Variants in CHCHD6 observed in about 807,000 individuals in gnomAD.
The protein encoded by CHCHD6 is coiled-coil-helix-coiled-coil-helix domain containing 6.
A neutral mutation model predicts 32.3 loss-of-function variants in CHCHD6; 28 were observed. The observed-to-expected ratio is 0.87, with a 90% CI of 0.64 to 1.19. The LOEUF (loss-of-function observed/expected upper bound fraction) is 1.19, where lower values mean the gene tolerates loss of function less well. Ranked by LOEUF, CHCHD6 falls within the 50% of genes most tolerant of loss-of-function variation. CHCHD6 has a pLI of 0.00. For missense variants in CHCHD6, 333 were observed against 307.0 expected (o/e 1.08, Z -0.63); for synonymous variants, 122 against 117.5 (o/e 1.04, Z -0.25).
chr3:126,723,875 G>A (rs764541007), intron 1 of CHCHD6, among the ~76,000 whole-genome samples: 6 of 152,032 alleles, frequency 3.9e-5, no homozygotes, highest in African/African-American at 7.2e-5. Context: ...CTTTCCCTCC[G>A]CTGTGTTTTA....
chr3:126,730,468 C>T (rs1935740861), intron 2 of CHCHD6, 93 bp from the exon 3 acceptor site: 1 of 1,012,720 alleles, frequency 9.9e-7, no homozygotes, highest in East Asian at 2.4e-5. Flanking sequence ...GGGGCACATT[C>T]ATTCATGGGG....
At chr3:126,925,472 A>G (rs1007948057) in intron 6 of CHCHD6, among the ~76,000 whole-genome samples, 3 of 152,236 alleles carry the variant, frequency 2.0e-5, no homozygotes, top group Non-Finnish European at 1.5e-5. Flanking sequence ...AACCAAGGGA[A>G]GTTGTACAGC....
At chr3:126,888,020 C>A (rs1227585220) in intron 5 of CHCHD6, among the ~76,000 whole-genome samples, 1 of 152,176 alleles carries the variant, frequency 6.6e-6, no homozygotes, top group African/African-American at 2.4e-5. Flanking sequence ...TTGTTCTAGT[C>A]ATGTATATGT....
intron 6 of CHCHD6, among the ~76,000 whole-genome samples, chr3:126,922,982 G>C (rs2078273851): frequency 6.6e-6 from 1 of 152,222 alleles, no homozygotes; most frequent in South Asian, 2.1e-4. Context: ...CGCCATTACT[G>C]GTGGCATTGT....
chr3:126,852,716 CG>C lies in CHCHD6; in HGVS notation c.482del (p.Arg161LeufsTer28). On this transcript the variant is annotated frameshift_variant, in exon 5 of 8. Transcript: ENST00000290913. LOFTEE classifies it high-confidence loss of function. Reference protein sequence around the residue: ...RDTFYKEQLERIERKNAEMYK... With the variant: ...RDTFYKEQLEXIERKNAEMYK... ...CACCTTCTACAAGGAGCAGCTGGAGCGTATTGAGAGGAAGGTAAGACTCCTG... is the reference window on the plus strand; with the variant it reads ...CACCTTCTACAAGGAGCAGCTGGAGCTATTGAGAGGAAGGTAAGACTCCTG... 6.2e-7 allele frequency: 1 copy of C among 1,611,982 alleles called. No individual in the cohort carries two copies.
intron 4 of CHCHD6, among the ~76,000 whole-genome samples, chr3:126,751,450 C>T (rs535530123): frequency 4.7e-4 from 69 of 145,716 alleles, no homozygotes; most frequent in African/African-American, 1.7e-3. Context: ...TGCAGTGAGC[C>T]GAGATCATGT....
At chr3:126,912,375 G>A (rs2078103553) in intron 5 of CHCHD6, among the ~76,000 whole-genome samples, 1 of 152,136 alleles carries the variant, frequency 6.6e-6, no homozygotes, top group Admixed American at 6.5e-5. Flanking sequence ...ACTGGTCGAG[G>A]CAAAGACGTA....
chr3:126,888,279 G>A lies in CHCHD6; in HGVS notation c.496-26401G>A, dbSNP rs143803478. 9.2e-5 allele frequency among the ~76,000 whole-genome samples: 14 copies of A among 152,354 alleles called. No homozygotes were observed. The East Asian group carries it at 2.3e-3, about 25-fold the overall frequency. ...AGCTTCTTTTTAGAGTTGGTAGAGC[G>A]AAAAGGACTTCCATGTGGTTTAAGC... On this transcript the variant is annotated intron_variant, in intron 5 of 7. Transcript: ENST00000290913.
intron 6 of CHCHD6, among the ~76,000 whole-genome samples, chr3:126,920,689 TGCCCA>T (rs2078234068): frequency 6.6e-6 from 1 of 152,262 alleles, no homozygotes; most frequent in Admixed American, 6.5e-5. Context: ...AAGTCCTAGC[TGCCCA>T]GGCAGCCTCC....
At chr3:126,893,319 A>T (rs747579678) in intron 5 of CHCHD6, among the ~76,000 whole-genome samples, 1 of 152,168 alleles carries the variant, frequency 6.6e-6, no homozygotes, top group Admixed American at 6.5e-5. Flanking sequence ...GTAAATAATT[A>T]TTTGGATTCC....
intron 5 of CHCHD6, among the ~76,000 whole-genome samples, chr3:126,888,589 G>A (rs192062698): frequency 2.0e-4 from 30 of 152,264 alleles, no homozygotes; most frequent in African/African-American, 6.0e-4. Context: ...AGGCCACCTG[G>A]ACAAGTGATG....
intron 4 of CHCHD6, among the ~76,000 whole-genome samples, chr3:126,805,871 A>C (rs1410536359): frequency 6.6e-6 from 1 of 152,238 alleles, no homozygotes; most frequent in Non-Finnish European, 1.5e-5. Context: ...TCAATGGAAC[A>C]GAACAGAGCC....
chr3:126,737,564 A>G (rs958350535), intron 4 of CHCHD6, among the ~76,000 whole-genome samples: 2 of 152,128 alleles, frequency 1.3e-5, no homozygotes, highest in African/African-American at 4.8e-5. Context: ...AGAAGTGACC[A>G]CATAGCGTTG....
At chr3:126,897,411 T>C (rs911495936) in intron 5 of CHCHD6, among the ~76,000 whole-genome samples, 4 of 152,244 alleles carry the variant, frequency 2.6e-5, no homozygotes, top group African/African-American at 9.6e-5. Flanking sequence ...GGTGTTACTC[T>C]TTTAACTAGG....
chr3:126,805,734 G>T, intron 4 of CHCHD6, among the ~76,000 whole-genome samples: 1 of 152,202 alleles, frequency 6.6e-6, no homozygotes, highest in East Asian at 1.9e-4. Context: ...AAAAGAGCCC[G>T]CATCGCCAAG....
chr3:126,938,863 A>T lies in CHCHD6; in HGVS notation c.567-18553A>T, dbSNP rs541769965. On this transcript the variant is annotated intron_variant, in intron 6 of 7. Coordinates refer to ENST00000290913, the MANE Select transcript of CHCHD6 (RefSeq NM_032343.3). ...GAAGCTGTTCCTGCCACCGGCAGCG[A>T]TCTTCACCCCAAGCTCCCTGCATGT... Among the ~76,000 whole-genome samples the T allele has an allele frequency of 1.1e-4, 17 of 152,194 alleles. 1 individual carries two copies. The East Asian group carries it at 3.1e-3, about 28-fold the overall frequency.
chr3:126,801,040 C>A (rs1401198012), intron 4 of CHCHD6, among the ~76,000 whole-genome samples: 1 of 152,200 alleles, frequency 6.6e-6, no homozygotes, highest in Non-Finnish European at 1.5e-5. Flanking sequence ...TCTAACATGA[C>A]CAAAATAAAA....
At chr3:126,812,658 C>G (rs935920010) in intron 4 of CHCHD6, among the ~76,000 whole-genome samples, 21 of 152,074 alleles carry the variant, frequency 1.4e-4, no homozygotes, top group Admixed American at 1.2e-3. Flanking sequence ...TCTCGAACTC[C>G]TGACCTCAGG....
chr3:126,706,960 C>T (rs560070950), intron 1 of CHCHD6, among the ~76,000 whole-genome samples: 1 of 152,208 alleles, frequency 6.6e-6, no homozygotes, highest in Non-Finnish European at 1.5e-5. Context: ...AAAGTGTTCT[C>T]GTCCCTGTAA....
Sources: gnomAD v4.1 joint callset for allele counts (sites outside exome capture counted in the v4.1 genomes callset) on GRCh38, gnomAD v4.1.1 for gene constraint, MANE v1.5 for transcripts, NCBI Gene and HGNC (gene_info 2026-07-23, HGNC 2026-07-21) for gene names.